Variants in PODXL observed in about 807,000 individuals in gnomAD.
PODXL encodes the protein podocalyxin like.
In PODXL, 20 loss-of-function variants were observed where a neutral mutation model predicts 48.9. The ratio of observed to expected loss-of-function variants is 0.41; its 90% CI spans 0.29 to 0.59. The LOEUF (loss-of-function observed/expected upper bound fraction) is 0.59. Among genes scored for constraint, PODXL ranks in the 20% least tolerant of loss-of-function variants. PODXL has a pLI of 0.31. For synonymous variants in PODXL, 295 were observed against 287.4 expected (o/e 1.03, Z -0.27); for missense variants, 606 against 675.1 (o/e 0.90, Z 1.13).
rs760491817 is a variant in PODXL at position 131,524,409 on chromosome 7, A to AGAGAGAGAGAGAG, written c.101-12977_101-12976insCTCTCTCTCTCTC. Among the ~76,000 whole-genome samples, 128 of 72,224 alleles carry AGAGAGAGAGAGAG rather than the reference A, an allele frequency of 1.8e-3. 1 individual carries two copies. The highest frequency in any genetic ancestry group is 0.015 in the Middle Eastern group (2 of 136). The allele number at this position is 72,224 out of a possible 152,430, so 47.4% of individuals were successfully genotyped here. A position where few individuals can be genotyped will look rare whatever the true frequency, so the allele number is the denominator to read the frequency against. On this transcript the variant is annotated intron_variant, in intron 1 of 8. Transcript: ENST00000378555. ...AGAGAGAGAGAGAGAGAGAGAGAGA[A>AGAGAGAGAGAGAG]AACAACAAGGAAAACTCAACAATAA...
chr7:131,522,028 G>C (rs142479855), intron 1 of PODXL, among the ~76,000 whole-genome samples: 7 of 152,372 alleles, frequency 4.6e-5, no homozygotes, highest in African/African-American at 1.7e-4. Context: ...CATCTAGGAA[G>C]AGGCAGGAAT....
intron 5 of PODXL, among the ~76,000 whole-genome samples, chr7:131,508,012 G>T (rs942034236): frequency 1.3e-5 from 2 of 152,128 alleles, no homozygotes; most frequent in Admixed American, 6.5e-5. Context: ...TAGTTCCTAG[G>T]GGGTGGCTGC....
chr7:131,512,091 A>C (rs1408668769), intron 1 of PODXL, among the ~76,000 whole-genome samples: 1 of 152,216 alleles, frequency 6.6e-6, no homozygotes, highest in Admixed American at 6.5e-5. Context: ...ATCTAGGAGA[A>C]ACTGATGATA....
At chr7:131,528,267 G>A (rs937305977) in intron 1 of PODXL, among the ~76,000 whole-genome samples, 2 of 152,160 alleles carry the variant, frequency 1.3e-5, no homozygotes, top group African/African-American at 4.8e-5. Context: ...TTTGGTGGTA[G>A]AAAAAGTTTA....
chr7:131,532,201 C>T (rs1404398669), intron 1 of PODXL, among the ~76,000 whole-genome samples: 6 of 150,416 alleles, frequency 4.0e-5, no homozygotes, highest in East Asian at 2.0e-4. Flanking sequence ...TTTGGGAGGC[C>T]GAGGAGGGTG....
At chr7:131,541,324 C>G (rs1040947997) in intron 1 of PODXL, among the ~76,000 whole-genome samples, 2 of 147,398 alleles carry the variant, frequency 1.4e-5, no homozygotes, top group African/African-American at 5.1e-5. Context: ...GAGCCTGTAT[C>G]TTTTGGACAG....
At chr7:131,531,107 G>A (rs1798274093) in intron 1 of PODXL, among the ~76,000 whole-genome samples, 1 of 152,086 alleles carries the variant, frequency 6.6e-6, no homozygotes, top group Admixed American at 6.5e-5. Flanking sequence ...CAGCGGTCTG[G>A]TCATCCCCTT....
In PODXL at chr7:131,509,633, G is replaced by A. The variant is rs3212295; in HGVS notation, c.803-48C>T. On this transcript the variant is annotated intron_variant, in intron 3 of 8. Coordinates refer to ENST00000378555, the MANE Select transcript of PODXL (RefSeq NM_001018111.3). The stretch of plus-strand genomic sequence containing the variant: ...AATGAGAAAAGATGAGTGCACCCTT[G>A]CGAGAAGAGGACAATCTTTTCTTGC... 179,739 of 1,243,930 alleles carry A rather than the reference G, an allele frequency of 0.14. 14,092 individuals are homozygous for A. Among genetic ancestry groups the A allele is most frequent in the Middle Eastern group, 0.24 (1,207 of 5,070 alleles). 77.1% of individuals were successfully genotyped at this position (1,243,930 alleles called of 1,614,324 possible).
At chr7:131,538,987 T>C (rs1798428816) in intron 1 of PODXL, among the ~76,000 whole-genome samples, 1 of 152,220 alleles carries the variant, frequency 6.6e-6, no homozygotes, top group South Asian at 2.1e-4. Flanking sequence ...CTGGGCCTTG[T>C]GCCCAGGGAC....
chr7:131,540,745 T>A (rs1468922770), intron 1 of PODXL, among the ~76,000 whole-genome samples: 1 of 152,216 alleles, frequency 6.6e-6, no homozygotes, highest in Admixed American at 6.5e-5. Context: ...CAGATGTGTA[T>A]GGGTTTCTCA....
At chr7:131,515,003 G>A (rs1279031506) in intron 1 of PODXL, among the ~76,000 whole-genome samples, 3 of 152,146 alleles carry the variant, frequency 2.0e-5, no homozygotes. Context: ...TCTTGTTATA[G>A]GCAGTTGTCC....
chr7:131,551,531 T>A (rs533405778), intron 1 of PODXL, among the ~76,000 whole-genome samples: 2 of 152,348 alleles, frequency 1.3e-5, no homozygotes, highest in Admixed American at 1.3e-4. Context: ...GAAGAGGGCC[T>A]CTGCCTCAAA....
At chr7:131,555,522 G>C (rs1798727910) in intron 1 of PODXL, among the ~76,000 whole-genome samples, 2 of 152,178 alleles carry the variant, frequency 1.3e-5, no homozygotes. Context: ...CCTATTCTAC[G>C]AGAGAGAAGT....
At chr7:131,520,264 G>T in intron 1 of PODXL, 1 of 488,122 alleles carries the variant, frequency 2.0e-6, no homozygotes. Context: ...ATGCCCCTCA[G>T]GCACTCACAG....
chr7:131,541,852 C>T (rs1695268069), intron 1 of PODXL, among the ~76,000 whole-genome samples: 1 of 152,088 alleles, frequency 6.6e-6, no homozygotes, highest in Non-Finnish European at 1.5e-5. Context: ...TCAAGGAAGC[C>T]CGGTTTCCTA....
At chr7:131,550,133 A>G (rs1428773846) in intron 1 of PODXL, among the ~76,000 whole-genome samples, 1 of 152,232 alleles carries the variant, frequency 6.6e-6, no homozygotes, top group Non-Finnish European at 1.5e-5. Flanking sequence ...ATTTGGCTAG[A>G]GGCTGTGGAA....
chr7:131,523,799 A>T (rs1444409522), intron 1 of PODXL, among the ~76,000 whole-genome samples: 2 of 144,964 alleles, frequency 1.4e-5, no homozygotes, highest in African/African-American at 2.6e-5. Context: ...CATCTAACAA[A>T]TTTTTTTTTT....
intron 1 of PODXL, among the ~76,000 whole-genome samples, chr7:131,546,083 C>G (rs1405521144): frequency 2.6e-5 from 4 of 152,210 alleles, no homozygotes; most frequent in Non-Finnish European, 4.4e-5. Context: ...CCATGCACCT[C>G]CCCCATGCCC....
intron 1 of PODXL, among the ~76,000 whole-genome samples, chr7:131,541,819 T>C (rs1307792689): frequency 1.3e-5 from 2 of 152,170 alleles, no homozygotes; most frequent in Non-Finnish European, 2.9e-5. Context: ...TGGCCCTCCC[T>C]GTGTTTGAGA....
Sources: gnomAD v4.1 joint callset for allele counts (sites outside exome capture counted in the v4.1 genomes callset) on GRCh38, gnomAD v4.1.1 for gene constraint, MANE v1.5 for transcripts, NCBI Gene and HGNC (gene_info 2026-07-23, HGNC 2026-07-21) for gene names.